Variants in CCBE1 observed in about 807,000 individuals in gnomAD.
CCBE1 encodes collagen and calcium-binding EGF domain-containing protein 1.
Under a neutral mutation model 50.0 loss-of-function variants are expected in CCBE1, and 37 were observed. That is an observed-to-expected ratio of 0.74 (90% CI 0.57 to 0.97). The LOEUF (loss-of-function observed/expected upper bound fraction) is 0.97. Ranked by LOEUF, CCBE1 falls within the 50% of genes least tolerant of loss-of-function variation. The probability of loss-of-function intolerance (pLI) is 0.00; values close to 1 mark genes in which losing one functional copy is unlikely to be tolerated. For synonymous variants in CCBE1, 234 were observed against 203.7 expected, an observed-to-expected ratio of 1.15 and a Z score of -1.27; for missense variants, 538 against 523.8, an observed-to-expected ratio of 1.03 and a Z score of -0.26.
At chr18:59,473,694 C>T (rs1189903368) in intron 3 of CCBE1, among the ~76,000 whole-genome samples, 8 of 137,718 alleles carry the variant, frequency 5.8e-5, no homozygotes, top group South Asian at 2.5e-4. Flanking sequence ...ATCCAACCCT[C>T]CCACTACTCC....
chr18:59,488,738 G>A (rs1912945629), intron 2 of CCBE1, among the ~76,000 whole-genome samples: 1 of 152,134 alleles, frequency 6.6e-6, no homozygotes, highest in Admixed American at 6.5e-5. Flanking sequence ...TGTAAAATGG[G>A]ATAGTAACAC....
At chr18:59,563,364 A>G (rs1276951408) in intron 2 of CCBE1, among the ~76,000 whole-genome samples, 2 of 152,260 alleles carry the variant, frequency 1.3e-5, no homozygotes, top group Non-Finnish European at 2.9e-5. Flanking sequence ...TCATTTGGCC[A>G]TCTGGCCAAC....
At chr18:59,497,212 C>T (rs917843346) in intron 2 of CCBE1, among the ~76,000 whole-genome samples, 3 of 152,036 alleles carry the variant, frequency 2.0e-5, no homozygotes, top group Non-Finnish European at 4.4e-5. Flanking sequence ...ATAATAGTTA[C>T]GATGAAGCTC....
chr18:59,627,756 G>C (rs2053804872), intron 2 of CCBE1, among the ~76,000 whole-genome samples: 1 of 152,208 alleles, frequency 6.6e-6, no homozygotes, highest in Non-Finnish European at 1.5e-5. Flanking sequence ...GCCTTCAGAG[G>C]AAACTTGGCC....
chr18:59,645,223 G>A (rs987347310), intron 2 of CCBE1, among the ~76,000 whole-genome samples: 7 of 140,834 alleles, frequency 5.0e-5, no homozygotes, highest in East Asian at 4.6e-4. Context: ...ACGAGACTCC[G>A]TCTCAACAAC....
intron 2 of CCBE1, among the ~76,000 whole-genome samples, chr18:59,628,562 G>A (rs779962218): frequency 4.6e-5 from 7 of 152,144 alleles, no homozygotes; most frequent in Admixed American, 1.3e-4. Context: ...TGTAACCACC[G>A]CGATGTCCAT....
chr18:59,639,601 T>C (rs1340304170), intron 2 of CCBE1, among the ~76,000 whole-genome samples: 1 of 152,158 alleles, frequency 6.6e-6, no homozygotes. Context: ...AGACGCCCTC[T>C]CTCACCACTC....
intron 5 of CCBE1, among the ~76,000 whole-genome samples, chr18:59,458,005 T>C (rs555373407): frequency 1.3e-5 from 2 of 152,356 alleles, no homozygotes; most frequent in East Asian, 3.9e-4. Flanking sequence ...AGGTTTATTA[T>C]GTTAATACCT....
intron 3 of CCBE1, among the ~76,000 whole-genome samples, chr18:59,478,678 G>A (rs1337210328): frequency 6.6e-6 from 1 of 152,216 alleles, no homozygotes. Context: ...TCCATGCAAT[G>A]TGTTTTTAAT....
At chr18:59,594,074 C>T (rs547389105) in intron 2 of CCBE1, among the ~76,000 whole-genome samples, 1 of 152,300 alleles carries the variant, frequency 6.6e-6, no homozygotes, top group Non-Finnish European at 1.5e-5. Context: ...ACCAGCAAGC[C>T]AAGGCAGCTT....
Position 59,491,901 on chromosome 18 carries a change from T to C in CCBE1, c.213-11663A>G, listed in dbSNP as rs563334084. 2.3e-4 allele frequency among the ~76,000 whole-genome samples: 35 copies of C among 151,748 alleles called. No individual in the cohort carries two copies. The South Asian group carries it at 7.1e-3, about 31-fold the overall frequency. ...AAAAGAAAAGCATTCTGGAGGGCACTTTGGGAGGCCGAGGCGAGTGGATTG... is the reference window on the plus strand; with the variant it reads ...AAAAGAAAAGCATTCTGGAGGGCACCTTGGGAGGCCGAGGCGAGTGGATTG... On this transcript the variant is annotated intron_variant, in intron 2 of 10. Transcript: ENST00000439986.
At chr18:59,445,198 TTTGAG>T (rs1387755752) in intron 7 of CCBE1, among the ~76,000 whole-genome samples, 1 of 152,156 alleles carries the variant, frequency 6.6e-6, no homozygotes, top group Non-Finnish European at 1.5e-5. Flanking sequence ...TTTAATCCAT[TTTGAG>T]TTAATTTTTG....
Position 59,447,994 on chromosome 18 carries a change from T to G in CCBE1, c.764A>C (p.Gln255Pro). ...TCTTCCACACTCACCGGGAGGGCCC[T>G]GGCCCCCAGGCAGGCCAGGAGGTCC... ...LPGPPGLPGGQGPPGSPGPKG... is the reference protein window; with the variant it reads ...LPGPPGLPGGPGPPGSPGPKG... Residue 255 changes from glutamine (Q) to proline (P), a missense_variant, in exon 7 of 11, where the codon CAG (glutamine) becomes CCG (proline). By Grantham distance (76) the Gln-to-Pro change is moderately conservative (BLOSUM62 -1). Transcript: ENST00000439986. 1 of 1,614,182 alleles carries G rather than the reference T, an allele frequency of 6.2e-7. No homozygotes were observed. The highest frequency in any genetic ancestry group is 8.5e-7 in the Non-Finnish European group (1 of 1,180,010).
chr18:59,435,720 C>T lies in CCBE1; in HGVS notation c.*188G>A. On this transcript the variant is annotated 3_prime_UTR_variant, in exon 11 of 11. Transcript: ENST00000439986. Reference sequence around the variant, plus strand: ...AAATCAATCATTCACTCCCTCATGTCTGCAGGCCTAGGAGGGGACTCTGAA... The same window carrying T: ...AAATCAATCATTCACTCCCTCATGTTTGCAGGCCTAGGAGGGGACTCTGAA... The T allele has an allele frequency of 1.5e-6, 1 of 664,728 alleles. No individual in the cohort carries two copies. The highest frequency in any genetic ancestry group is 2.7e-6 in the Non-Finnish European group (1 of 372,270). The allele number at this position is 664,728 out of a possible 1,614,324, so 41.2% of individuals were successfully genotyped here.
chr18:59,580,777 AG>A (rs756577237), intron 2 of CCBE1, among the ~76,000 whole-genome samples: 7 of 152,188 alleles, frequency 4.6e-5, no homozygotes, highest in Non-Finnish European at 7.3e-5. Context: ...ACAAAATAAA[AG>A]GGGAAAAAAA....
In CCBE1 at chr18:59,601,482, C is replaced by T. The variant is rs76728449; in HGVS notation, c.212+95147G>A. ...TTCATCTTCCACCATGATTGTGAGG[C>T]CTCTCCAGCCGTGTGGAACTGTGAG... On this transcript the variant is annotated intron_variant, in intron 2 of 10. Coordinates refer to ENST00000439986, the MANE Select transcript of CCBE1 (RefSeq NM_133459.4). 1.8e-3 allele frequency among the ~76,000 whole-genome samples: 270 copies of T among 152,312 alleles called. 3 individuals are homozygous for T. The highest frequency in any genetic ancestry group is 6.0e-3 in the African/African-American group (251 of 41,570).
chr18:59,657,098 T>C (rs1012173226), intron 2 of CCBE1, among the ~76,000 whole-genome samples: 1 of 152,224 alleles, frequency 6.6e-6, no homozygotes, highest in Non-Finnish European at 1.5e-5. Flanking sequence ...GGTCCCTGCA[T>C]CTCTAGAAGT....
At chr18:59,524,980 C>A (rs1185222166) in intron 2 of CCBE1, among the ~76,000 whole-genome samples, 1 of 152,094 alleles carries the variant, frequency 6.6e-6, no homozygotes, top group Non-Finnish European at 1.5e-5. Context: ...ACCACATTTT[C>A]TTCATCCAGG....
intron 2 of CCBE1, among the ~76,000 whole-genome samples, chr18:59,566,428 A>C (rs1331425262): frequency 6.6e-6 from 1 of 152,048 alleles, no homozygotes; most frequent in Non-Finnish European, 1.5e-5. Flanking sequence ...AAAAGCTATA[A>C]AATGGAAGCA....
Sources: gnomAD v4.1 joint callset for allele counts (sites outside exome capture counted in the v4.1 genomes callset) on GRCh38, gnomAD v4.1.1 for gene constraint, MANE v1.5 for transcripts, NCBI Gene and HGNC (gene_info 2026-07-23, HGNC 2026-07-21) for gene names.